The following NTRK2 variants were observed in gnomAD, a reference collection of about 807,000 sequenced individuals.
The protein encoded by NTRK2 is neurotrophic receptor tyrosine kinase 2.
A neutral mutation model predicts 94.5 loss-of-function variants in NTRK2; 13 were observed. The ratio of observed to expected loss-of-function variants is 0.14; its 90% CI spans 0.09 to 0.22. NTRK2 has a LOEUF of 0.22. NTRK2 is among the 10% of genes least tolerant of loss of function. The pLI is 1.00. For synonymous variants in NTRK2, 372 were observed against 407.4 expected (o/e 0.91, Z 1.05); for missense variants, 639 against 1,071.2 (o/e 0.60, Z 5.63).
intron 14 of NTRK2, among the ~76,000 whole-genome samples, chr9:84,901,179 A>ATTTTG (rs1160210693): frequency 2.7e-5 from 4 of 145,840 alleles, no homozygotes; most frequent in East Asian, 4.0e-4. Flanking sequence ...CTTTCATTTT[A>ATTTTG]TTTTGTTTTG....
intron 14 of NTRK2, among the ~76,000 whole-genome samples, chr9:84,870,089 C>A (rs911816655): frequency 2.4e-5 from 3 of 122,562 alleles, no homozygotes; most frequent in Non-Finnish European, 4.9e-5. Context: ...TTAGATAATT[C>A]CCATTGACTA....
At chr9:84,678,661 A>C (rs1279339712) in intron 2 of NTRK2, among the ~76,000 whole-genome samples, 1 of 152,182 alleles carries the variant, frequency 6.6e-6, no homozygotes, top group Non-Finnish European at 1.5e-5. Flanking sequence ...GCTTGACATC[A>C]TAGCCCCTAG....
intron 12 of NTRK2, among the ~76,000 whole-genome samples, chr9:84,793,712 T>C (rs2068967497): frequency 6.6e-6 from 1 of 152,258 alleles, no homozygotes; most frequent in Admixed American, 6.5e-5. Context: ...CATTTCCATT[T>C]TGTTCTATTT....
intron 17 of NTRK2, among the ~76,000 whole-genome samples, chr9:85,015,368 C>T (rs1436437638): frequency 6.6e-6 from 1 of 152,124 alleles, no homozygotes; most frequent in Non-Finnish European, 1.5e-5. Context: ...TTATGAATTT[C>T]TTATTTGTAG....
chr9:84,674,126 A>AC (rs1397692722), intron 2 of NTRK2, among the ~76,000 whole-genome samples: 1 of 152,010 alleles, frequency 6.6e-6, no homozygotes, highest in Non-Finnish European at 1.5e-5. Flanking sequence ...GTGGTAAAAA[A>AC]AAAATACATA....
chr9:84,672,403 C>T (rs1362766673), intron 2 of NTRK2, among the ~76,000 whole-genome samples: 1 of 152,152 alleles, frequency 6.6e-6, no homozygotes, highest in Non-Finnish European at 1.5e-5. Flanking sequence ...GATAGGGCCC[C>T]AACTGTGGTG....
intron 14 of NTRK2, chr9:84,875,872 T>C (rs1288973211): frequency 9.6e-7 from 1 of 1,041,750 alleles, no homozygotes; most frequent in East Asian, 5.6e-5. Flanking sequence ...GTGTTGATAT[T>C]TTGCACAGTA....
rs1349303529 is a variant in NTRK2 at position 84,870,331 on chromosome 9, G to GTGTGTGTGTATA, written c.1633+2901_1633+2902insGTGTGTGTATAT. On this transcript the variant is annotated intron_variant, in intron 14 of 18. Coordinates refer to ENST00000277120, the MANE Select transcript of NTRK2 (RefSeq NM_006180.6). ...ATACATATATGTGGGGTGTGTGTGT[G>GTGTGTGTGTATA]TATATATATATATATATATATATAT... Among the ~76,000 whole-genome samples the GTGTGTGTGTATA allele has an allele frequency of 9.6e-5, 3 of 31,176 alleles. 1 individual carries two copies. Among genetic ancestry groups the GTGTGTGTGTATA allele is most frequent in the African/African-American group, 1.8e-4 (2 of 11,334 alleles). 20.5% of individuals were successfully genotyped at this position (31,176 alleles called of 152,430 possible). A position where few individuals can be genotyped will look rare whatever the true frequency, so the allele number is the denominator to read the frequency against.
At chr9:84,939,174 G>T (rs1414050213) in intron 15 of NTRK2, among the ~76,000 whole-genome samples, 2 of 151,582 alleles carry the variant, frequency 1.3e-5, no homozygotes, top group African/African-American at 2.4e-5. Flanking sequence ...GAAAGAAACT[G>T]TAAAGATGAT....
chr9:84,926,178 CTTTCTTTCTTT>C (rs2077797511), intron 14 of NTRK2, among the ~76,000 whole-genome samples: 1 of 71,754 alleles, frequency 1.4e-5, no homozygotes, highest in African/African-American at 4.6e-5. Flanking sequence ...TCCTTTCTTT[CTTTCTTTCTTT>C]CTTTCTTTCT....
intron 2 of NTRK2, among the ~76,000 whole-genome samples, chr9:84,682,829 T>A (rs924604041): frequency 6.6e-6 from 1 of 152,232 alleles, no homozygotes; most frequent in Admixed American, 6.5e-5. Context: ...ATCTTAAAAA[T>A]GTTTCTGGAT....
intron 17 of NTRK2, among the ~76,000 whole-genome samples, chr9:84,971,689 C>T (rs1826202751): frequency 6.6e-6 from 1 of 152,170 alleles, no homozygotes. Flanking sequence ...CCACTAAGAG[C>T]TCTCAGAAAG....
At chr9:84,871,213 T>C (rs894728319) in intron 14 of NTRK2, among the ~76,000 whole-genome samples, 10 of 152,066 alleles carry the variant, frequency 6.6e-5, no homozygotes, top group African/African-American at 2.4e-4. Flanking sequence ...CCAACAACGA[T>C]CAGGCACGTC....
At chr9:84,813,248 T>A in intron 12 of NTRK2, 1 of 1,048,048 alleles carries the variant, frequency 9.5e-7, no homozygotes, top group Non-Finnish European at 1.2e-6. Flanking sequence ...GGGGCCACTG[T>A]CCCCAGCCGC....
At chr9:84,983,288 G>A (rs900963091) in intron 17 of NTRK2, among the ~76,000 whole-genome samples, 1 of 152,134 alleles carries the variant, frequency 6.6e-6, no homozygotes, top group African/African-American at 2.4e-5. Context: ...CAACCACTTA[G>A]GCACAGGCTC....
chr9:84,970,363 C>CAACAAATA (rs1554778045), intron 17 of NTRK2, among the ~76,000 whole-genome samples: 4 of 147,266 alleles, frequency 2.7e-5, no homozygotes, highest in Admixed American at 6.7e-5. Flanking sequence ...GGACAGAGTG[C>CAACAAATA]AAAAAATAAA....
chr9:84,719,107 T>G (rs1037678249), intron 6 of NTRK2, among the ~76,000 whole-genome samples: 2 of 152,162 alleles, frequency 1.3e-5, no homozygotes, highest in African/African-American at 4.8e-5. Context: ...AAATACCACT[T>G]TATCAGTGGT....
At chr9:84,773,704 G>A (rs1370680172) in intron 12 of NTRK2, among the ~76,000 whole-genome samples, 1 of 152,132 alleles carries the variant, frequency 6.6e-6, no homozygotes, top group Non-Finnish European at 1.5e-5. Context: ...TATGCAGAAG[G>A]TTTATGATAG....
intron 12 of NTRK2, among the ~76,000 whole-genome samples, chr9:84,770,239 CT>C (rs1277760270): frequency 1.3e-5 from 2 of 152,048 alleles, no homozygotes; most frequent in East Asian, 3.9e-4. Context: ...CTTCCACTCC[CT>C]TCCCTCAACC....
Sources: gnomAD v4.1 joint callset for allele counts (sites outside exome capture counted in the v4.1 genomes callset) on GRCh38, gnomAD v4.1.1 for gene constraint, MANE v1.5 for transcripts, NCBI Gene and HGNC (gene_info 2026-07-23, HGNC 2026-07-21) for gene names.